The following DMD variants were observed in gnomAD, a reference collection of about 807,000 sequenced individuals.
DMD encodes dystrophin.
Under a neutral mutation model 330.1 loss-of-function variants are expected in DMD, and 63 were observed. The ratio of observed to expected loss-of-function variants is 0.19; its 90% CI spans 0.16 to 0.24. The LOEUF (loss-of-function observed/expected upper bound fraction) is 0.24, where lower values mean the gene tolerates loss of function less well. DMD is among the 10% of genes least tolerant of loss of function. The probability of loss-of-function intolerance (pLI) is 1.00; values close to 1 mark genes in which losing one functional copy is unlikely to be tolerated. For missense variants in DMD, 3,344 were observed against 2,684.1 expected (o/e 1.25, Z -5.43); for synonymous variants, 1,223 against 959.8 (o/e 1.27, Z -5.07).
chrX:32,909,191 A>G (rs2087005371), intron 2 of DMD, among the ~76,000 whole-genome samples: 1 of 108,307 alleles, frequency 9.2e-6, no homozygotes, highest in Admixed American at 9.9e-5. Context: ...GAGTATAACT[A>G]TGGTACTAAG....
Position 32,542,642 on chromosome X carries a change from T to A in DMD, c.2168+2517A>T, listed in dbSNP as rs185199822. Reference sequence around the variant, plus strand: ...CAGTGAAATATTAGTGGGCTTCAGATGATACAAAAACGGGGCACTAGCTAA... The same window carrying A: ...CAGTGAAATATTAGTGGGCTTCAGAAGATACAAAAACGGGGCACTAGCTAA... On this transcript the variant is annotated intron_variant, in intron 17 of 78. Transcript: ENST00000357033. 2.1e-3 allele frequency among the ~76,000 whole-genome samples: 239 copies of A among 112,224 alleles called. 1 individual carries two copies. The highest frequency in any genetic ancestry group is 7.4e-3 in the African/African-American group (228 of 30,928).
At chrX:31,160,874 T>C (rs1418829034) in intron 74 of DMD, among the ~76,000 whole-genome samples, 1 of 111,731 alleles carries the variant, frequency 9.0e-6, no homozygotes, top group African/African-American at 3.3e-5. Flanking sequence ...ATAATTTCCC[T>C]TGGGATTTGT....
chrX:32,584,556 T>C (rs1038270270), intron 13 of DMD, among the ~76,000 whole-genome samples: 1 of 112,284 alleles, frequency 8.9e-6, no homozygotes, highest in Non-Finnish European at 1.9e-5. Context: ...TAAAATGTGG[T>C]ATATTCATAC....
At chrX:32,406,129 T>C (rs2098115793) in intron 30 of DMD, among the ~76,000 whole-genome samples, 1 of 111,884 alleles carries the variant, frequency 8.9e-6, no homozygotes, top group Non-Finnish European at 1.9e-5. Context: ...CTGAAGTTGC[T>C]TATCAGCTTA....
At chrX:31,990,202 G>T (rs2095540687) in intron 44 of DMD, among the ~76,000 whole-genome samples, 1 of 112,114 alleles carries the variant, frequency 8.9e-6, no homozygotes, top group East Asian at 2.8e-4. Context: ...ATTTTTCAAA[G>T]TCTTCGACAT....
At chrX:33,026,313 C>CAAAAAAAAAA (rs56794668) in intron 1 of DMD, among the ~76,000 whole-genome samples, 35 of 32,779 alleles carry the variant, frequency 1.1e-3, no homozygotes, top group East Asian at 1.6e-3. Flanking sequence ...GACTCCGTCT[C>CAAAAAAAAAA]AAAAAAAAAA....
chrX:31,154,487 G>C (rs1431271598), intron 74 of DMD, among the ~76,000 whole-genome samples: 2 of 107,002 alleles, frequency 1.9e-5, no homozygotes, highest in African/African-American at 6.8e-5. Context: ...GTAGAGACAG[G>C]GTTTCACCGT....
At chrX:31,931,797 T>A (rs750127693) in intron 46 of DMD, among the ~76,000 whole-genome samples, 1 of 111,333 alleles carries the variant, frequency 9.0e-6, no homozygotes, top group Non-Finnish European at 1.9e-5. Flanking sequence ...CTGTGAATTA[T>A]ATACATTTAG....
intron 21 of DMD, among the ~76,000 whole-genome samples, chrX:32,482,592 G>T (rs1202028401): frequency 9.0e-6 from 1 of 111,439 alleles, no homozygotes; most frequent in Admixed American, 9.6e-5. Context: ...TGGCTATTAT[G>T]AATAATGTTG....
At chrX:32,875,955 A>C (rs1400670187) in intron 2 of DMD, among the ~76,000 whole-genome samples, 1 of 111,212 alleles carries the variant, frequency 9.0e-6, no homozygotes, top group Non-Finnish European at 1.9e-5. Context: ...CTCCATATTG[A>C]TTACCCCCAA....
chrX:32,718,924 C>T (rs1470998004), intron 7 of DMD, among the ~76,000 whole-genome samples: 1 of 111,925 alleles, frequency 8.9e-6, no homozygotes, highest in Non-Finnish European at 1.9e-5. Context: ...TAGTTAATAA[C>T]CTTCCATATT....
intron 21 of DMD, among the ~76,000 whole-genome samples, chrX:32,477,669 G>A: frequency 9.0e-6 from 1 of 110,557 alleles, no homozygotes; most frequent in Middle Eastern, 4.7e-3. Flanking sequence ...AAAATTCTGA[G>A]AGACATAACT....
At chrX:33,175,605 G>A (rs1224556271) in intron 1 of DMD, among the ~76,000 whole-genome samples, 1 of 111,748 alleles carries the variant, frequency 8.9e-6, no homozygotes, top group East Asian at 2.8e-4. Flanking sequence ...CACTTTACAG[G>A]AAAAAAGCAC....
Position 32,521,197 on chromosome X carries a change from G to T in DMD, c.2169-3066C>A, listed in dbSNP as rs141106800. ...TAGTATTTGTTTATTTTGAGACGGA[G>T]TCTCACTCTGTCACCAGGCTGGAGT... On this transcript the variant is annotated intron_variant, in intron 17 of 78. Transcript: ENST00000357033. Among the ~76,000 whole-genome samples the T allele has an allele frequency of 7.8e-3, 876 of 111,869 alleles. 20 individuals carry two copies. Among genetic ancestry groups the T allele is most frequent in the Admixed American group, 0.06 (635 of 10,536 alleles).
intron 32 of DMD, 40 bp downstream of exon 32, chrX:32,389,461 G>C: frequency 1.7e-6 from 2 of 1,188,826 alleles, no homozygotes; most frequent in Non-Finnish European, 2.3e-6. Context: ...AATGAGGAAA[G>C]TCAAGGGGTA....
At chrX:32,550,138 A>T (rs1260318055) in intron 16 of DMD, among the ~76,000 whole-genome samples, 2 of 111,731 alleles carry the variant, frequency 1.8e-5, no homozygotes, top group East Asian at 5.6e-4. Flanking sequence ...CCTGTACAGC[A>T]TGTGACTATA....
intron 52 of DMD, among the ~76,000 whole-genome samples, chrX:31,690,744 T>A (rs892430966): frequency 6.3e-5 from 7 of 111,564 alleles, no homozygotes; most frequent in African/African-American, 2.3e-4. Context: ...ATAGACTGGA[T>A]TAAGAAAATG....
intron 48 of DMD, among the ~76,000 whole-genome samples, chrX:31,856,095 C>T (rs1486061192): frequency 9.0e-6 from 1 of 111,480 alleles, no homozygotes; most frequent in Non-Finnish European, 1.9e-5. Context: ...TCATATTAAT[C>T]GGTAAGAGAA....
intron 44 of DMD, among the ~76,000 whole-genome samples, chrX:32,059,029 A>G (rs148223616): frequency 0.014 from 1,590 of 111,524 alleles, 24 homozygotes; most frequent in African/African-American, 0.049. Context: ...TACATGAGGT[A>G]TCTAAAGTAG....
Sources: allele counts gnomAD v4.1 joint callset (sites outside exome capture counted in the v4.1 genomes callset), GRCh38; gene constraint gnomAD v4.1.1; transcripts MANE v1.5; gene names NCBI Gene and HGNC (gene_info 2026-07-23, HGNC 2026-07-21).